COG5: variants seen among roughly 807,000 people sequenced by gnomAD.
The protein encoded by COG5 is conserved oligomeric Golgi complex subunit 5.
A neutral mutation model predicts 110.4 loss-of-function variants in COG5; 86 were observed. The observed-to-expected ratio is 0.78, with a 90% CI of 0.65 to 0.93. The LOEUF is 0.93. Ranked by LOEUF, COG5 falls within the 40% of genes least tolerant of loss-of-function variation. The pLI is 0.00. For synonymous variants in COG5, 360 were observed against 334.6 expected (o/e 1.08, Z -0.83); for missense variants, 1,077 against 987.0 (o/e 1.09, Z -1.22).
chr7:107,378,023 C>T (rs1437560142), intron 7 of COG5, among the ~76,000 whole-genome samples: 1 of 152,202 alleles, frequency 6.6e-6, no homozygotes, highest in African/African-American at 2.4e-5. Context: ...AGGAGAACTC[C>T]AGTTGGCATC....
At chr7:107,226,070 A>T (rs73187326) in intron 19 of COG5, among the ~76,000 whole-genome samples, 4,911 of 152,274 alleles carry the variant, frequency 0.032, 128 homozygotes, top group Non-Finnish European at 0.047. Flanking sequence ...AATAAAAAAA[A>T]TAGTAGAGGT....
chr7:107,325,312 T>G (rs1809667453), intron 10 of COG5, among the ~76,000 whole-genome samples: 1 of 152,206 alleles, frequency 6.6e-6, no homozygotes, highest in Non-Finnish European at 1.5e-5. Context: ...CTGCCAATAT[T>G]CTACTATTTT....
intron 17 of COG5, among the ~76,000 whole-genome samples, chr7:107,240,938 T>C (rs1801574144): frequency 6.6e-6 from 1 of 152,242 alleles, no homozygotes; most frequent in Admixed American, 6.5e-5. Context: ...TTGTATACAC[T>C]GAGCTGAAAT....
intron 6 of COG5, among the ~76,000 whole-genome samples, chr7:107,510,327 C>G (rs552348560): frequency 6.0e-4 from 91 of 152,200 alleles, no homozygotes; most frequent in Non-Finnish European, 1.1e-3. Context: ...GTAAAGGGAT[C>G]AATTCAACAA....
rs7810519 is a variant in COG5, at chr7:107,556,909, T to C, written c.234+1067A>G. Among the ~76,000 whole-genome samples the C allele has an allele frequency of 2.3e-4, 35 of 152,194 alleles. 1 individual carries two copies. Among genetic ancestry groups the C allele is most frequent in the African/African-American group, 7.9e-4 (33 of 41,516 alleles). On this transcript the variant is annotated intron_variant, in intron 2 of 21. Transcript: ENST00000297135. Reference sequence around the variant, plus strand: ...CCTCAGCCTCCCGAGTAGCTGGGATTACAGGCGCCCACCACCATGCCCAGC... The same window carrying C: ...CCTCAGCCTCCCGAGTAGCTGGGATCACAGGCGCCCACCACCATGCCCAGC...
chr7:107,203,446 G>T lies in COG5; in HGVS notation c.*70C>A. 1 of 963,338 alleles carries T rather than the reference G, an allele frequency of 1.0e-6. No individual in the cohort carries two copies. Among genetic ancestry groups the T allele is most frequent in the Non-Finnish European group, 1.7e-6 (1 of 587,058 alleles). 59.7% of individuals were successfully genotyped at this position (963,338 alleles called of 1,614,324 possible). On this transcript the variant is annotated 3_prime_UTR_variant, in exon 22 of 22. Transcript: ENST00000297135. ...AAATAGTAGATAGTAGCAGTCTTTTGGAGTATGTGTTTAACTGCCAACTAT... is the reference window on the plus strand; with the variant it reads ...AAATAGTAGATAGTAGCAGTCTTTTTGAGTATGTGTTTAACTGCCAACTAT...
At chr7:107,206,687 C>T (rs1011003898) in intron 21 of COG5, among the ~76,000 whole-genome samples, 3 of 152,114 alleles carry the variant, frequency 2.0e-5, no homozygotes, top group African/African-American at 7.2e-5. Context: ...AACTTAGTTT[C>T]GTTGGCATTT....
chr7:107,465,436 C>T (rs1251089027), intron 6 of COG5, among the ~76,000 whole-genome samples: 4 of 151,944 alleles, frequency 2.6e-5, no homozygotes, highest in South Asian at 2.1e-4. Context: ...AAAATATTGA[C>T]GAAATAAATG....
chr7:107,245,479 C>G (rs1389010180), intron 17 of COG5, among the ~76,000 whole-genome samples: 1 of 152,122 alleles, frequency 6.6e-6, no homozygotes, highest in Non-Finnish European at 1.5e-5. Flanking sequence ...AGTCTTGGCC[C>G]AAAAGCTCCT....
At chr7:107,317,152 G>A (rs948828216) in intron 11 of COG5, among the ~76,000 whole-genome samples, 9 of 152,008 alleles carry the variant, frequency 5.9e-5, no homozygotes, top group South Asian at 2.1e-4. Context: ...AACATAGGAC[G>A]GTGATTCCTC....
chr7:107,527,491 T>G (rs1020641722), intron 5 of COG5, 134 bp from the exon 6 acceptor site: 27 of 887,052 alleles, frequency 3.0e-5, no homozygotes, highest in Non-Finnish European at 4.6e-5. Context: ...GTAACAAACC[T>G]GCACATGTAT....
chr7:107,274,781 T>C (rs921924929), intron 14 of COG5, among the ~76,000 whole-genome samples: 6 of 152,224 alleles, frequency 3.9e-5, no homozygotes. Context: ...GACTTTGACC[T>C]GCTTTAACTA....
At chr7:107,424,489 T>C (rs1370376132) in intron 6 of COG5, among the ~76,000 whole-genome samples, 1 of 151,066 alleles carries the variant, frequency 6.6e-6, no homozygotes, top group Non-Finnish European at 1.5e-5. Flanking sequence ...TTGACACCAA[T>C]TATACCTCAA....
intron 16 of COG5, among the ~76,000 whole-genome samples, chr7:107,251,902 G>A (rs1302531228): frequency 6.6e-6 from 1 of 151,896 alleles, no homozygotes; most frequent in East Asian, 1.9e-4. Context: ...ACAGAAAACA[G>A]AGAAAACTAG....
chr7:107,501,710 T>C (rs1003640722), intron 6 of COG5, among the ~76,000 whole-genome samples: 1 of 152,172 alleles, frequency 6.6e-6, no homozygotes. Flanking sequence ...TATATGCTTA[T>C]CTCTACCACA....
chr7:107,210,110 C>T, intron 21 of COG5: 1 of 1,053,876 alleles, frequency 9.5e-7, no homozygotes, highest in Non-Finnish European at 1.2e-6. Flanking sequence ...CTTGTTTCCT[C>T]CTCAGAACTG....
At chr7:107,215,808 C>T (rs936627321) in intron 19 of COG5, among the ~76,000 whole-genome samples, 1 of 151,214 alleles carries the variant, frequency 6.6e-6, no homozygotes, top group African/African-American at 2.4e-5. Context: ...CTCCTGGGTT[C>T]ACGCCATTCC....
chr7:107,379,620 G>C (rs1257814016), intron 7 of COG5, among the ~76,000 whole-genome samples: 1 of 151,318 alleles, frequency 6.6e-6, no homozygotes, highest in African/African-American at 2.4e-5. Context: ...AAAAAAGCGG[G>C]GGTTGCAATC....
intron 2 of COG5, among the ~76,000 whole-genome samples, chr7:107,554,761 C>T (rs1803178173): frequency 6.6e-6 from 1 of 152,118 alleles, no homozygotes. Flanking sequence ...AAGGGGCAAA[C>T]AGTCTTCCTC....
Sources: gnomAD v4.1 joint callset for allele counts (sites outside exome capture counted in the v4.1 genomes callset) on GRCh38, gnomAD v4.1.1 for gene constraint, MANE v1.5 for transcripts, NCBI Gene and HGNC (gene_info 2026-07-23, HGNC 2026-07-21) for gene names.